The following CYSLTR2 variants were observed in gnomAD, a reference collection of about 807,000 sequenced individuals.
CYSLTR2 encodes cysteinyl leukotriene receptor 2.
For synonymous variants in CYSLTR2, 179 were observed against 160.8 expected (o/e 1.11, Z -0.86); for missense variants, 398 against 411.9 (o/e 0.97, Z 0.29).
Position 48,706,918 on chromosome 13 carries a change from A to C in CYSLTR2, c.101A>C (p.Glu34Ala). The C allele has an allele frequency of 3.1e-6, 5 of 1,614,222 alleles. No individual in the cohort carries two copies. The highest frequency in any genetic ancestry group is 4.2e-6 in the Non-Finnish European group (5 of 1,180,032). The stretch of plus-strand genomic sequence containing the variant: ...AACAACAGCAGGAACTGCACAATTG[A>C]AAACTTCAAGAGAGAATTTTTCCCA... ...SNNNSRNCTI[E>A]NFKREFFPIV... The change falls in exon 5 of 5, where the codon GAA becomes GCA. Residue 34 changes from glutamate to alanine, a missense_variant. By Grantham distance (107) the Glu-to-Ala change is moderately radical (BLOSUM62 -1). Transcript: ENST00000682523.
chr13:48,692,352 AT>A (rs1354149654), intron 2 of CYSLTR2, among the ~76,000 whole-genome samples: 1 of 151,984 alleles, frequency 6.6e-6, no homozygotes, highest in African/African-American at 2.4e-5. Flanking sequence ...GCATAACTTA[AT>A]TTTTGTATAT....
intron 4 of CYSLTR2, chr13:48,706,549 G>T: frequency 5.2e-6 from 2 of 386,776 alleles, no homozygotes; most frequent in East Asian, 5.0e-5. Flanking sequence ...AGGGTCAGTA[G>T]GTCACAAGTT....
At chr13:48,672,187 G>T (rs908045907) in intron 1 of CYSLTR2, among the ~76,000 whole-genome samples, 6 of 151,752 alleles carry the variant, frequency 4.0e-5, no homozygotes, top group Admixed American at 1.3e-4. Context: ...TTCTTTATTT[G>T]TCTGGCTAGC....
At chr13:48,662,295 G>T (rs1953150345) in intron 1 of CYSLTR2, among the ~76,000 whole-genome samples, 1 of 152,094 alleles carries the variant, frequency 6.6e-6, no homozygotes, top group Non-Finnish European at 1.5e-5. Flanking sequence ...CTTGGCTATT[G>T]TGAATAGTGC....
chr13:48,675,791 G>A (rs1953578311), intron 1 of CYSLTR2, among the ~76,000 whole-genome samples: 4 of 152,090 alleles, frequency 2.6e-5, no homozygotes, highest in Admixed American at 2.6e-4. Flanking sequence ...GCACCCGAGG[G>A]ATTCTCCTAG....
intron 1 of CYSLTR2, among the ~76,000 whole-genome samples, chr13:48,661,969 A>G (rs1953140752): frequency 1.3e-5 from 2 of 152,076 alleles, no homozygotes; most frequent in African/African-American, 4.8e-5. Flanking sequence ...TCTAGTGGTA[A>G]TTTTGTATCC....
chr13:48,686,597 C>T lies in CYSLTR2; in HGVS notation c.-265-4615C>T, dbSNP rs540551659. Among the ~76,000 whole-genome samples the T allele has an allele frequency of 9.2e-5, 14 of 152,272 alleles. No homozygotes were observed. In the South Asian group the frequency reaches 2.9e-3, roughly 32 times the overall value. ...AATCTGTGTGTTCTTTTCTAGATGTCCAATGGGCTTTCCTCCCACAGTCAT... is the reference window on the plus strand; with the variant it reads ...AATCTGTGTGTTCTTTTCTAGATGTTCAATGGGCTTTCCTCCCACAGTCAT... On this transcript the variant is annotated intron_variant, in intron 1 of 4. Coordinates refer to ENST00000682523, the MANE Select transcript of CYSLTR2 (RefSeq NM_001308476.3).
intron 3 of CYSLTR2, chr13:48,694,814 A>G (rs1269993678): frequency 6.6e-6 from 1 of 151,964 alleles, no homozygotes; most frequent in Non-Finnish European, 1.5e-5. Flanking sequence ...GTTGTGGGGG[A>G]ATGGAGAGGA....
chr13:48,693,849 C>T (rs1954098472), intron 3 of CYSLTR2, among the ~76,000 whole-genome samples: 1 of 152,210 alleles, frequency 6.6e-6, no homozygotes, highest in Non-Finnish European at 1.5e-5. Flanking sequence ...GAACAATCTC[C>T]TCTTGAAGGT....
intron 4 of CYSLTR2, among the ~76,000 whole-genome samples, chr13:48,705,456 G>T (rs935833597): frequency 1.2e-4 from 18 of 151,072 alleles, no homozygotes; most frequent in Non-Finnish European, 2.5e-4. Context: ...TTTTTTTTCT[G>T]TTTTTATTAT....
intron 1 of CYSLTR2, among the ~76,000 whole-genome samples, chr13:48,688,992 A>G (rs1291944545): frequency 6.6e-6 from 1 of 152,154 alleles, no homozygotes; most frequent in South Asian, 2.1e-4. Context: ...TTTGATTTGC[A>G]TGTTTCTAAT....
chr13:48,707,418 A>G lies in CYSLTR2; in HGVS notation c.601A>G (p.Met201Val), dbSNP rs41347648. Residue 201 changes from methionine (M) to valine (V), a missense_variant, in exon 5 of 5, where the codon ATG (methionine) becomes GTG (valine). Met to Val is a conservative substitution (Grantham distance 21). Coordinates refer to ENST00000682523, the MANE Select transcript of CYSLTR2 (RefSeq NM_001308476.3). ...CTATAAAATTGCTAAGCTGCAGACC[A>G]TGAACTATATTGCCTTGGTGGTGGG... is the stretch of plus-strand genomic sequence containing the variant. ...NLYKIAKLQT[M>V]NYIALVVGCL... The G allele has an allele frequency of 0.022, 36,300 of 1,614,114 alleles. 481 individuals are homozygous for G. The highest frequency in any genetic ancestry group is 0.027 in the Non-Finnish European group (31,788 of 1,180,002).
chr13:48,675,337 G>T (rs960029285), intron 1 of CYSLTR2, among the ~76,000 whole-genome samples: 4 of 152,172 alleles, frequency 2.6e-5, no homozygotes, highest in African/African-American at 9.7e-5. Flanking sequence ...GAGATGCCCT[G>T]CCCAGAGATG....
intron 4 of CYSLTR2, among the ~76,000 whole-genome samples, chr13:48,698,039 G>A (rs569496766): frequency 1.2e-4 from 19 of 152,286 alleles, no homozygotes; most frequent in Admixed American, 3.3e-4. Context: ...CCAAAACTAC[G>A]TCTGATTGGT....
chr13:48,660,193 G>C (rs1164036147), intron 1 of CYSLTR2, among the ~76,000 whole-genome samples: 1 of 152,126 alleles, frequency 6.6e-6, no homozygotes, highest in African/African-American at 2.4e-5. Flanking sequence ...GGAGGTCTGA[G>C]GTAATGCTGT....
chr13:48,699,771 G>A (rs1954291691), intron 4 of CYSLTR2, among the ~76,000 whole-genome samples: 1 of 152,012 alleles, frequency 6.6e-6, no homozygotes, highest in Admixed American at 6.6e-5. Context: ...TAGACTGCTA[G>A]CAAGACTAAT....
chr13:48,702,673 C>T lies in CYSLTR2; in HGVS notation c.-1-4144C>T, dbSNP rs184305050. Among the ~76,000 whole-genome samples the T allele has an allele frequency of 7.7e-4, 117 of 151,830 alleles. 2 individuals are homozygous for T. The East Asian group carries it at 0.021, about 27-fold the overall frequency. On this transcript the variant is annotated intron_variant, in intron 4 of 4. Coordinates refer to ENST00000682523, the MANE Select transcript of CYSLTR2 (RefSeq NM_001308476.3). ...CTATCTGTTTGTCCTTCAGCCAATA[C>T]CATACATTCTTAATTACTTTAACTA...
intron 1 of CYSLTR2, among the ~76,000 whole-genome samples, chr13:48,676,092 C>T (rs1953588663): frequency 6.6e-6 from 1 of 152,230 alleles, no homozygotes; most frequent in Non-Finnish European, 1.5e-5. Context: ...TGTTCCTGTT[C>T]AGCCATCTTG....
intron 1 of CYSLTR2, among the ~76,000 whole-genome samples, chr13:48,660,540 C>T (rs1192281105): frequency 2.6e-5 from 4 of 152,136 alleles, no homozygotes; most frequent in African/African-American, 9.7e-5. Context: ...GAAAACAAGG[C>T]CCTGTGAGAT....
Sources: gnomAD v4.1 joint callset for allele counts (sites outside exome capture counted in the v4.1 genomes callset) on GRCh38, gnomAD v4.1.1 for gene constraint, MANE v1.5 for transcripts, NCBI Gene and HGNC (gene_info 2026-07-23, HGNC 2026-07-21) for gene names.